The following TLR4 variants were observed in gnomAD, a reference collection of about 807,000 sequenced individuals.
TLR4 encodes the protein toll-like receptor 4.
TLR4 carries 17 observed loss-of-function variants against 27.4 expected under a neutral mutation model. That is an observed-to-expected ratio of 0.62 (90% CI 0.42 to 0.93). The LOEUF (loss-of-function observed/expected upper bound fraction) is 0.93, where lower values mean the gene tolerates loss of function less well. Among genes scored for constraint, TLR4 ranks in the 40% least tolerant of loss-of-function variants. The pLI is 0.00. For missense variants in TLR4, 926 were observed against 962.3 expected (o/e 0.96, Z 0.50); for synonymous variants, 363 against 365.7 (o/e 0.99, Z 0.08).
In TLR4 at chr9:117,713,869, T is replaced by G; in HGVS notation, c.1741T>G (p.Phe581Val). Reference protein sequence around the residue: ...LAFLNLTQNDFACTCEHQSFL... With the variant: ...LAFLNLTQNDVACTCEHQSFL... ...TTTCTTAAATCTTACTCAGAATGACTTTGCTTGTACTTGTGAACACCAGAG... is the reference window on the plus strand; with the variant it reads ...TTTCTTAAATCTTACTCAGAATGACGTTGCTTGTACTTGTGAACACCAGAG... The change falls in exon 3 of 3, where the codon TTT becomes GTT. Residue 581 changes from phenylalanine (F) to valine (V), a missense_variant. Transcript: ENST00000355622. 1 of 1,614,040 alleles carries G rather than the reference T, an allele frequency of 6.2e-7. No individual in the cohort carries two copies. The highest frequency in any genetic ancestry group is 8.5e-7 in the Non-Finnish European group (1 of 1,180,004).
intron 1 of TLR4, among the ~76,000 whole-genome samples, chr9:117,706,204 G>A (rs1588091753): frequency 6.6e-6 from 1 of 152,086 alleles, no homozygotes; most frequent in Non-Finnish European, 1.5e-5. Flanking sequence ...GGTCAGTGCA[G>A]CCCAAGTCCT....
intron 1 of TLR4, among the ~76,000 whole-genome samples, chr9:117,706,014 C>T (rs553994732): frequency 5.9e-5 from 9 of 151,682 alleles, no homozygotes; most frequent in East Asian, 1.9e-4. Context: ...TTTAACTTAG[C>T]GTATTTAAAA....
In TLR4 at chr9:117,715,052, T is replaced by C. The variant is rs187462414; in HGVS notation, c.*404T>C. 1.0e-4 allele frequency: 22 copies of C among 209,628 alleles called. No individual in the cohort carries two copies. The East Asian group carries it at 2.4e-3, about 23-fold the overall frequency. The allele number at this position is 209,628 out of a possible 1,614,324, so 13.0% of individuals were successfully genotyped here. On this transcript the variant is annotated 3_prime_UTR_variant, in exon 3 of 3. Coordinates refer to ENST00000355622, the MANE Select transcript of TLR4 (RefSeq NM_138554.5). Reference sequence around the variant, plus strand: ...AGTTTTGACTGAACTGGGTGTTCACTTTTTCCTTTTTGATTGAATACAATT... The same window carrying C: ...AGTTTTGACTGAACTGGGTGTTCACCTTTTCCTTTTTGATTGAATACAATT...
chr9:117,720,576 G>A lies in TLR4; in HGVS notation c.*5928G>A, dbSNP rs1176396247. ...ATGGCAATAAAGGTTTAGAAATGAC[G>A]TGATGTTTATGAGAGAAGTGTTTTG... On this transcript the variant is annotated 3_prime_UTR_variant, in exon 3 of 3. Coordinates refer to ENST00000355622, the MANE Select transcript of TLR4 (RefSeq NM_138554.5). 6 of 152,200 alleles carry A rather than the reference G, an allele frequency of 3.9e-5. No individual in the cohort carries two copies. Among genetic ancestry groups the A allele is most frequent in the African/African-American group, 1.2e-4 (5 of 41,442 alleles). The allele number at this position is 152,200 out of a possible 1,614,324, so 9.4% of individuals were successfully genotyped here. A position where few individuals can be genotyped will look rare whatever the true frequency, so the allele number is the denominator to read the frequency against.
At chr9:117,708,409 G>A (rs1829172439) in intron 1 of TLR4, 154 bp from the exon 2 acceptor site, 7 of 1,515,228 alleles carry the variant, frequency 4.6e-6, no homozygotes, top group South Asian at 1.2e-5. Context: ...TGGATGGATG[G>A]ATATATGGAT....
At chr9:117,712,363 T>G in intron 2 of TLR4, 26 bp from the exon 3 acceptor site, 1 of 1,599,530 alleles carries the variant, frequency 6.3e-7, no homozygotes. Flanking sequence ...AAATATTAGA[T>G]AATCAATGTC....
chr9:117,713,372 G>C lies in TLR4; in HGVS notation c.1244G>C (p.Ser415Thr), dbSNP rs780168665. 1 of 1,614,070 alleles carries C rather than the reference G, an allele frequency of 6.2e-7. No homozygotes were observed. The highest frequency in any genetic ancestry group is 1.7e-5 in the Admixed American group (1 of 59,998). ...DLSFNGVITM[S>T]SNFLGLEQLE... is the part of the protein sequence containing the mutation. The stretch of plus-strand genomic sequence containing the variant: ...AGCTTCAATGGTGTTATTACCATGA[G>C]TTCAAACTTCTTGGGCTTAGAACAA... The change falls in exon 3 of 3, where the codon AGT (serine) becomes ACT (threonine). Residue 415 changes from serine to threonine, a missense_variant. Physicochemically the swap from Ser to Thr is moderately conservative, Grantham distance 58 (BLOSUM62 1). Coordinates refer to ENST00000355622, the MANE Select transcript of TLR4 (RefSeq NM_138554.5).
At chr9:117,709,103 G>T in intron 2 of TLR4, 1 of 219,858 alleles carries the variant, frequency 4.5e-6, no homozygotes, top group South Asian at 6.8e-5. Context: ...AGCCCCTGTT[G>T]TTAAGGAGGC....
chr9:117,712,889 A>T lies in TLR4; in HGVS notation c.761A>T (p.Glu254Val), dbSNP rs1395773951. The T allele has an allele frequency of 6.2e-7, 1 of 1,614,116 alleles. No individual in the cohort carries two copies. Among genetic ancestry groups the T allele is most frequent in the Admixed American group, 1.7e-5 (1 of 60,010 alleles). Residue 254 changes from glutamate (E) to valine (V), a missense_variant, in exon 3 of 3, where the codon GAA becomes GTA. Transcript: ENST00000355622. ...KTCIQGLAGL[E>V]VHRLVLGEFR... Reference sequence around the variant, plus strand: ...TGTATTCAAGGTCTGGCTGGTTTAGAAGTCCATCGTTTGGTTCTGGGAGAA... The same window carrying T: ...TGTATTCAAGGTCTGGCTGGTTTAGTAGTCCATCGTTTGGTTCTGGGAGAA...
Position 117,717,046 on chromosome 9 carries a change from G to A in TLR4, c.*2398G>A, listed in dbSNP as rs1297295119. 1 of 152,180 alleles carries A rather than the reference G, an allele frequency of 6.6e-6. No individual in the cohort carries two copies. The highest frequency in any genetic ancestry group is 1.5e-5 in the Non-Finnish European group (1 of 68,030). 9.4% of individuals were successfully genotyped at this position (152,180 alleles called of 1,614,324 possible). On this transcript the variant is annotated 3_prime_UTR_variant, in exon 3 of 3. Transcript: ENST00000355622. The stretch of plus-strand genomic sequence containing the variant: ...GTGTTTCCATGTCTCATGTACTAGT[G>A]AAAGTAGATGTGTGCATTTGTGCAC...
At position 117,722,358 on chromosome 9, in the gene TLR4, ATT is replaced by A. The variant is rs1195126106; in HGVS notation, c.*7711_*7712del. 6.6e-6 allele frequency: 1 copy of A among 152,156 alleles called. No homozygotes were observed. Among genetic ancestry groups the A allele is most frequent in the Non-Finnish European group, 1.5e-5 (1 of 68,038 alleles). 9.4% of individuals were successfully genotyped at this position (152,156 alleles called of 1,614,324 possible). On this transcript the variant is annotated 3_prime_UTR_variant, in exon 3 of 3. Transcript: ENST00000355622. ...GGGGAAGTGATCACTGACGGTTGAA[ATT>A]CAGTAGTTTTGGTCTTTAAGCTGAG...
rs1389868454 is a variant in TLR4, at chr9:117,722,114, A to G, written c.*7466A>G. ...GTTGTGGTCTTTTCTAAACTCTCTG[A>G]GGCATCTGTTGTCAATGTGATGTTG... On this transcript the variant is annotated 3_prime_UTR_variant, in exon 3 of 3. Coordinates refer to ENST00000355622, the MANE Select transcript of TLR4 (RefSeq NM_138554.5). 1 of 152,172 alleles carries G rather than the reference A, an allele frequency of 6.6e-6. No homozygotes were observed. 9.4% of individuals were successfully genotyped at this position (152,172 alleles called of 1,614,324 possible). A position where few individuals can be genotyped will look rare whatever the true frequency, so the allele number is the denominator to read the frequency against.
Position 117,708,581 on chromosome 9 carries a change from T to TA in TLR4, c.113dup (p.Tyr38Ter), listed in dbSNP as rs1288074882. 1 of 1,613,850 alleles carries TA rather than the reference T, an allele frequency of 6.2e-7. No individual in the cohort carries two copies. The highest frequency in any genetic ancestry group is 2.2e-5 in the East Asian group (1 of 44,868). The change falls in exon 2 of 3, where the codon TAT becomes TAAT. Residue 38 changes from tyrosine (Y) to a stop codon, truncating the protein, a stop_gained and frameshift_variant. Coordinates refer to ENST00000355622, the MANE Select transcript of TLR4 (RefSeq NM_138554.5). LOFTEE classifies it high-confidence loss of function. ...ATTGCAGGTGGTTCCTAATATTACT[T>TA]ATCAATGCATGGAGCTGAATTTCTA... ...PCVEVVPNIT[Y>*]QCMELNFYKI... is the part of the protein sequence containing the mutation.
intron 2 of TLR4, among the ~76,000 whole-genome samples, chr9:117,710,800 G>T (rs1829218699): frequency 6.6e-6 from 1 of 151,960 alleles, no homozygotes. Context: ...TAATTTAAAT[G>T]ACTTATATAC....
rs1353124309 is a variant in TLR4, at chr9:117,713,075, T to A, written c.947T>A (p.Val316Glu). ...ACAAATGTTTCTTCATTTTCCCTGG[T>A]GAGTGTGACTATTGAAAGGGTAAAA... The part of the protein sequence containing the change: ...CLTNVSSFSL[V>E]SVTIERVKDF... Residue 316 changes from valine (V) to glutamate (E), a missense_variant, in exon 3 of 3, where the codon GTG (valine) becomes GAG (glutamate). Coordinates refer to ENST00000355622, the MANE Select transcript of TLR4 (RefSeq NM_138554.5). The A allele has an allele frequency of 6.2e-7, 1 of 1,613,820 alleles. No homozygotes were observed. Among genetic ancestry groups the A allele is most frequent in the Non-Finnish European group, 8.5e-7 (1 of 1,179,888 alleles).
At position 117,704,582 on chromosome 9, in the gene TLR4, A is replaced by C; in HGVS notation, c.93+17A>C. 1.2e-6 allele frequency: 2 copies of C among 1,610,932 alleles called. No individual in the cohort carries two copies. Among genetic ancestry groups the C allele is most frequent in the Non-Finnish European group, 1.7e-6 (2 of 1,177,420 alleles). ...TGCGTGGAGGTATGTGGCTGGAGTCAGCTCCTCTGAACTTTCCCTCACTTC... is the reference window on the plus strand; with the variant it reads ...TGCGTGGAGGTATGTGGCTGGAGTCCGCTCCTCTGAACTTTCCCTCACTTC... On this transcript the variant is annotated intron_variant, in intron 1 of 2. Coordinates refer to ENST00000355622, the MANE Select transcript of TLR4 (RefSeq NM_138554.5).
At chr9:117,707,526 C>A (rs1024450119) in intron 1 of TLR4, among the ~76,000 whole-genome samples, 2 of 152,100 alleles carry the variant, frequency 1.3e-5, no homozygotes, top group Non-Finnish European at 2.9e-5. Flanking sequence ...TTTCAAACAA[C>A]AGAAAACTAC....
Position 117,719,009 on chromosome 9 carries a change from GT to G in TLR4, c.*4362del, listed in dbSNP as rs1452314069. ...AAGCTTAAATGAACTCACACAATAT[GT>G]GACAGTGAACTCCCTGGGAGAGTGA... On this transcript the variant is annotated 3_prime_UTR_variant, in exon 3 of 3. Transcript: ENST00000355622. 1 of 152,144 alleles carries G rather than the reference GT, an allele frequency of 6.6e-6. No homozygotes were observed. The highest frequency in any genetic ancestry group is 1.5e-5 in the Non-Finnish European group (1 of 68,016). The allele number at this position is 152,144 out of a possible 1,614,324, so 9.4% of individuals were successfully genotyped here.
chr9:117,720,936 CTCTT>C lies in TLR4; in HGVS notation c.*6292_*6295del, dbSNP rs1437366653. On this transcript the variant is annotated 3_prime_UTR_variant, in exon 3 of 3. Transcript: ENST00000355622. ...TCTCCTCCTCAGAAAGGAATAAACACTCTTTCTATTTGTGGGATTCCCTAGGAGA... is the reference window on the plus strand; with the variant it reads ...TCTCCTCCTCAGAAAGGAATAAACACTCTATTTGTGGGATTCCCTAGGAGA... 6.6e-6 allele frequency: 1 copy of C among 152,082 alleles called. No individual in the cohort carries two copies. Among genetic ancestry groups the C allele is most frequent in the Non-Finnish European group, 1.5e-5 (1 of 68,018 alleles). The allele number at this position is 152,082 out of a possible 1,614,324, so 9.4% of individuals were successfully genotyped here.
Sources: allele counts gnomAD v4.1 joint callset (sites outside exome capture counted in the v4.1 genomes callset), GRCh38; gene constraint gnomAD v4.1.1; transcripts MANE v1.5; gene names NCBI Gene and HGNC (gene_info 2026-07-23, HGNC 2026-07-21).